GHR: variants seen among roughly 807,000 people sequenced by gnomAD.
The protein encoded by GHR is growth hormone receptor.
Under a neutral mutation model 67.1 loss-of-function variants are expected in GHR, and 35 were observed. That is an observed-to-expected ratio of 0.52 (90% CI 0.40 to 0.69). GHR has a LOEUF of 0.69. Among genes scored for constraint, GHR ranks in the 30% least tolerant of loss-of-function variants. The probability of loss-of-function intolerance (pLI) is 0.00; values close to 1 mark genes in which losing one functional copy is unlikely to be tolerated. For synonymous variants in GHR, 272 were observed against 269.1 expected (o/e 1.01, Z -0.10); for missense variants, 792 against 764.6 (o/e 1.04, Z -0.42).
chr5:42,609,595 A>G (rs1466429258), intron 2 of GHR, among the ~76,000 whole-genome samples: 1 of 152,014 alleles, frequency 6.6e-6, no homozygotes, highest in Non-Finnish European at 1.5e-5. Flanking sequence ...TCCTGCAGGA[A>G]CTTCTTAGAA....
At chr5:42,675,547 A>C (rs769264366) in intron 3 of GHR, among the ~76,000 whole-genome samples, 54 of 152,238 alleles carry the variant, frequency 3.5e-4, no homozygotes, top group Admixed American at 9.8e-4. Context: ...GCACCAAGTA[A>C]ATCTTGTGAA....
chr5:42,604,930 T>G (rs1580039021), intron 2 of GHR, among the ~76,000 whole-genome samples: 1 of 151,954 alleles, frequency 6.6e-6, no homozygotes, highest in Non-Finnish European at 1.5e-5. Flanking sequence ...TTTATCTAGT[T>G]CTTTTGTTTG....
intron 1 of GHR, among the ~76,000 whole-genome samples, chr5:42,448,092 T>TC (rs1743891043): frequency 6.6e-6 from 1 of 152,088 alleles, no homozygotes; most frequent in African/African-American, 2.4e-5. Context: ...TGACTTCTTT[T>TC]CCTTCGAGTA....
chr5:42,515,085 C>CT (rs1747181524), intron 1 of GHR: 1 of 152,286 alleles, frequency 6.6e-6, no homozygotes, highest in East Asian at 1.9e-4. Flanking sequence ...ATAGTAGACT[C>CT]TTAGTGTATG....
At chr5:42,585,401 T>G (rs1751422445) in intron 2 of GHR, among the ~76,000 whole-genome samples, 1 of 151,560 alleles carries the variant, frequency 6.6e-6, no homozygotes, top group Non-Finnish European at 1.5e-5. Flanking sequence ...CATCTTATTT[T>G]ATGTGTGTGA....
At chr5:42,576,709 T>G (rs1750764925) in intron 2 of GHR, among the ~76,000 whole-genome samples, 1 of 152,214 alleles carries the variant, frequency 6.6e-6, no homozygotes, top group Non-Finnish European at 1.5e-5. Flanking sequence ...GCATAAGCCT[T>G]TATAAAATGG....
At chr5:42,669,164 T>G (rs1037338549) in intron 3 of GHR, among the ~76,000 whole-genome samples, 2 of 152,178 alleles carry the variant, frequency 1.3e-5, no homozygotes, top group Non-Finnish European at 2.9e-5. Flanking sequence ...CAAGCAGAGT[T>G]GTTAAGCTAA....
At chr5:42,596,403 A>C (rs372927939) in intron 2 of GHR, among the ~76,000 whole-genome samples, 4 of 152,344 alleles carry the variant, frequency 2.6e-5, no homozygotes, top group African/African-American at 9.6e-5. Flanking sequence ...CATTCACAGT[A>C]GGCTGGCTGG....
At chr5:42,474,227 G>GA (rs1408571717) in intron 1 of GHR, among the ~76,000 whole-genome samples, 5 of 130,690 alleles carry the variant, frequency 3.8e-5, no homozygotes, top group Non-Finnish European at 8.2e-5. Flanking sequence ...GAGAGAGAAA[G>GA]AAAAAGAAAG....
intron 1 of GHR, chr5:42,549,420 C>T (rs1221049266): frequency 6.6e-6 from 1 of 152,226 alleles, no homozygotes; most frequent in Non-Finnish European, 1.5e-5. Context: ...GACAATATCA[C>T]TGATTCCTTA....
chr5:42,575,496 T>C (rs376687357), intron 2 of GHR, among the ~76,000 whole-genome samples: 3 of 152,048 alleles, frequency 2.0e-5, no homozygotes. Flanking sequence ...CAATATCAAG[T>C]AGAATCCAAC....
intron 1 of GHR, among the ~76,000 whole-genome samples, chr5:42,496,876 AG>A (rs1345274761): frequency 6.6e-6 from 1 of 152,180 alleles, no homozygotes; most frequent in Non-Finnish European, 1.5e-5. Context: ...ATCTTTCACA[AG>A]GCTGGAACTA....
chr5:42,514,052 T>C (rs1303221685), intron 1 of GHR: 1 of 942,416 alleles, frequency 1.1e-6, no homozygotes, highest in South Asian at 4.9e-5. Context: ...CAAAGCTTGC[T>C]TCACCCAGAA....
At chr5:42,530,618 AT>A (rs1023104886) in intron 1 of GHR, among the ~76,000 whole-genome samples, 11 of 150,776 alleles carry the variant, frequency 7.3e-5, no homozygotes, top group African/African-American at 2.2e-4. Flanking sequence ...AACAAGCTTA[AT>A]TTTTTTTTTC....
chr5:42,500,055 T>C (rs1283768221), intron 1 of GHR, among the ~76,000 whole-genome samples: 1 of 152,220 alleles, frequency 6.6e-6, no homozygotes, highest in East Asian at 1.9e-4. Context: ...AGTTTGTTAG[T>C]GTTGACAACC....
intron 1 of GHR, among the ~76,000 whole-genome samples, chr5:42,459,001 G>A (rs551138486): frequency 2.6e-5 from 4 of 152,254 alleles, no homozygotes; most frequent in Non-Finnish European, 5.9e-5. Context: ...CTGTGAGGTT[G>A]TAGAGAAAAG....
chr5:42,608,146 A>G (rs1011304902), intron 2 of GHR, among the ~76,000 whole-genome samples: 17 of 152,234 alleles, frequency 1.1e-4, no homozygotes, highest in African/African-American at 4.1e-4. Flanking sequence ...GTAGAGCCTT[A>G]TCTATCTGAC....
At chr5:42,616,125 A>G (rs1753134841) in intron 2 of GHR, among the ~76,000 whole-genome samples, 1 of 152,066 alleles carries the variant, frequency 6.6e-6, no homozygotes, top group Non-Finnish European at 1.5e-5. Context: ...TTCTGATTAC[A>G]TGGGAAGCCA....
intron 2 of GHR, among the ~76,000 whole-genome samples, chr5:42,566,174 A>C (rs927574917): frequency 2.0e-5 from 3 of 152,220 alleles, no homozygotes; most frequent in African/African-American, 7.2e-5. Context: ...TCATATCAAA[A>C]ATTAATACTA....
Sources: gnomAD v4.1 joint callset for allele counts (sites outside exome capture counted in the v4.1 genomes callset) on GRCh38, gnomAD v4.1.1 for gene constraint, MANE v1.5 for transcripts, NCBI Gene and HGNC (gene_info 2026-07-23, HGNC 2026-07-21) for gene names.